The following CDH12 variants were observed in gnomAD, a reference collection of about 807,000 sequenced individuals.
CDH12 encodes the protein cadherin-12.
In CDH12, 41 loss-of-function variants were observed where a neutral mutation model predicts 74.1. The ratio of observed to expected loss-of-function variants is 0.55; its 90% CI spans 0.43 to 0.72. The LOEUF is 0.72. Ranked by LOEUF, CDH12 falls within the 30% of genes least tolerant of loss-of-function variation. CDH12 has a pLI of 0.00. For synonymous variants in CDH12, 399 were observed against 355.0 expected (o/e 1.12, Z -1.39); for missense variants, 945 against 977.2 (o/e 0.97, Z 0.44).
chr5:22,762,823 G>A (rs1426414619), intron 1 of CDH12, among the ~76,000 whole-genome samples: 1 of 151,908 alleles, frequency 6.6e-6, no homozygotes, highest in Non-Finnish European at 1.5e-5. Flanking sequence ...CAAACAATTT[G>A]CTTTTCAAAT....
intron 3 of CDH12, among the ~76,000 whole-genome samples, chr5:22,243,826 C>T (rs1366277114): frequency 6.6e-6 from 1 of 152,052 alleles, no homozygotes; most frequent in Non-Finnish European, 1.5e-5. Context: ...CTAACCTGTA[C>T]AATAGAAGAT....
chr5:21,948,421 G>A (rs879726672), intron 6 of CDH12, among the ~76,000 whole-genome samples: 6 of 152,220 alleles, frequency 3.9e-5, no homozygotes, highest in Non-Finnish European at 5.9e-5. Context: ...CTGCCCTGCT[G>A]GGTTTCAGAC....
intron 4 of CDH12, among the ~76,000 whole-genome samples, chr5:22,138,851 T>TATATATATATATAC (rs1746616357): frequency 8.2e-6 from 1 of 122,046 alleles, no homozygotes; most frequent in South Asian, 2.5e-4. Context: ...ACGTAATATA[T>TATATATATATATAC]ATATATATAT....
intron 1 of CDH12, among the ~76,000 whole-genome samples, chr5:22,650,457 G>GT (rs1284785885): frequency 1.3e-5 from 2 of 152,022 alleles, no homozygotes; most frequent in East Asian, 3.9e-4. Context: ...AGTAACCACA[G>GT]TTCCCTTTGT....
In CDH12 at chr5:22,683,778, C is replaced by T. The variant is rs547996753; in HGVS notation, c.-523+169280G>A. Among the ~76,000 whole-genome samples, 11 of 152,284 alleles carry T rather than the reference C, an allele frequency of 7.2e-5. No homozygotes were observed. The South Asian group carries it at 2.3e-3, about 32-fold the overall frequency. ...GAAAAAGGTTTCGTTTAGCATTATA[C>T]TCTACAAGCACACAGAGTTCCAACA... On this transcript the variant is annotated intron_variant, in intron 1 of 14. Transcript: ENST00000382254.
chr5:22,822,188 G>T (rs1749740019), intron 1 of CDH12, among the ~76,000 whole-genome samples: 1 of 152,044 alleles, frequency 6.6e-6, no homozygotes, highest in Admixed American at 6.6e-5. Flanking sequence ...TATGTAGAAA[G>T]CTGAAACTGG....
At chr5:22,664,198 TTAA>T (rs1740491403) in intron 1 of CDH12, among the ~76,000 whole-genome samples, 1 of 152,196 alleles carries the variant, frequency 6.6e-6, no homozygotes, top group Non-Finnish European at 1.5e-5. Context: ...GAAGCAATTA[TTAA>T]TAACAGAGAT....
chr5:21,786,122 C>G (rs184600389), intron 10 of CDH12, among the ~76,000 whole-genome samples: 6 of 152,212 alleles, frequency 3.9e-5, no homozygotes, highest in African/African-American at 1.4e-4. Flanking sequence ...ACAACAAAGC[C>G]TGGATGACAG....
intron 3 of CDH12, among the ~76,000 whole-genome samples, chr5:22,346,904 A>T (rs965081245): frequency 1.2e-4 from 18 of 152,208 alleles, no homozygotes; most frequent in Non-Finnish European, 2.2e-4. Context: ...AGAAAAGAAA[A>T]AAACCTAGAA....
At chr5:22,018,286 T>A (rs1737732838) in intron 5 of CDH12, among the ~76,000 whole-genome samples, 1 of 152,196 alleles carries the variant, frequency 6.6e-6, no homozygotes. Context: ...ATATGGGAGC[T>A]TACCATAAAA....
intron 2 of CDH12, among the ~76,000 whole-genome samples, chr5:22,503,629 T>A (rs1736261760): frequency 6.6e-6 from 1 of 152,096 alleles, no homozygotes; most frequent in African/African-American, 2.4e-5. Flanking sequence ...CAAATGAACA[T>A]GCCAATTTCT....
chr5:22,433,095 A>G (rs956004693), intron 2 of CDH12, among the ~76,000 whole-genome samples: 2 of 152,154 alleles, frequency 1.3e-5, no homozygotes, highest in African/African-American at 4.8e-5. Flanking sequence ...ATGTGAAACC[A>G]TGGGACCCAG....
At chr5:22,688,442 T>C (rs1741922396) in intron 1 of CDH12, among the ~76,000 whole-genome samples, 1 of 152,212 alleles carries the variant, frequency 6.6e-6, no homozygotes, top group African/African-American at 2.4e-5. Context: ...TAGTAAATTA[T>C]TTGAGCTAGA....
intron 10 of CDH12, among the ~76,000 whole-genome samples, chr5:21,787,388 T>G (rs1423347090): frequency 6.6e-6 from 1 of 150,420 alleles, no homozygotes; most frequent in Non-Finnish European, 1.5e-5. Context: ...TGCTGAAGGC[T>G]CAGGTGATCT....
chr5:22,661,233 A>G (rs1740331610), intron 1 of CDH12, among the ~76,000 whole-genome samples: 1 of 152,190 alleles, frequency 6.6e-6, no homozygotes, highest in African/African-American at 2.4e-5. Context: ...CACCTAACAA[A>G]GAATTAGCTG....
chr5:21,791,420 T>C (rs370254922), intron 10 of CDH12, among the ~76,000 whole-genome samples: 124 of 152,126 alleles, frequency 8.2e-4, no homozygotes, highest in African/African-American at 2.7e-3. Flanking sequence ...TTTCTGCTGT[T>C]GGGTTGCAAC....
chr5:22,392,597 T>G (rs1392530514), intron 3 of CDH12, among the ~76,000 whole-genome samples: 1 of 152,208 alleles, frequency 6.6e-6, no homozygotes, highest in Non-Finnish European at 1.5e-5. Flanking sequence ...GTTGTTCCTT[T>G]ACAACTCCAA....
chr5:22,247,662 G>A (rs533241630), intron 3 of CDH12, among the ~76,000 whole-genome samples: 6 of 117,562 alleles, frequency 5.1e-5, no homozygotes, highest in East Asian at 5.1e-4. Context: ...GCGACAGAGT[G>A]AGACTCCGTC....
intron 1 of CDH12, among the ~76,000 whole-genome samples, chr5:22,664,394 G>A (rs1740502275): frequency 6.6e-6 from 1 of 152,106 alleles, no homozygotes; most frequent in Non-Finnish European, 1.5e-5. Context: ...CAGCAGGAAG[G>A]AGAAGTGCCA....
Sources: allele counts gnomAD v4.1 joint callset (sites outside exome capture counted in the v4.1 genomes callset), GRCh38; gene constraint gnomAD v4.1.1; transcripts MANE v1.5; gene names NCBI Gene and HGNC (gene_info 2026-07-23, HGNC 2026-07-21).